The following NCALD variants were observed in gnomAD, a reference collection of about 807,000 sequenced individuals.
NCALD encodes the protein neurocalcin delta.
A neutral mutation model predicts 18.6 loss-of-function variants in NCALD; 10 were observed. That is an observed-to-expected ratio of 0.54 (90% CI 0.33 to 0.91). NCALD has a LOEUF of 0.91. Ranked by LOEUF, NCALD falls within the 40% of genes least tolerant of loss-of-function variation. The pLI, the probability that NCALD is intolerant of heterozygous loss-of-function variation, is 0.03. For missense variants in NCALD, 184 were observed against 247.6 expected (o/e 0.74, Z 1.72); for synonymous variants, 88 against 87.4 (o/e 1.01, Z -0.04).
intron 1 of NCALD, among the ~76,000 whole-genome samples, chr8:101,751,499 G>A (rs1341972835): frequency 6.6e-6 from 1 of 152,072 alleles, no homozygotes; most frequent in Non-Finnish European, 1.5e-5. Flanking sequence ...AGTTAAAATG[G>A]TAAATTTTTT....
At chr8:101,789,675 A>T (rs1670363993) in intron 1 of NCALD, among the ~76,000 whole-genome samples, 1 of 152,212 alleles carries the variant, frequency 6.6e-6, no homozygotes, top group Admixed American at 6.5e-5. Flanking sequence ...TTCTTCTACT[A>T]ATTAAAATAC....
intron 2 of NCALD, among the ~76,000 whole-genome samples, chr8:101,704,018 A>G (rs1259962208): frequency 6.6e-6 from 1 of 152,132 alleles, no homozygotes; most frequent in Non-Finnish European, 1.5e-5. Context: ...GAGCCTCATG[A>G]TTTGTGGGGC....
intron 4 of NCALD, among the ~76,000 whole-genome samples, chr8:101,815,420 A>G (rs145676039): frequency 1.3e-5 from 2 of 152,282 alleles, no homozygotes; most frequent in African/African-American, 4.8e-5. Context: ...ACATACAAAA[A>G]ATAAATCTAG....
chr8:101,877,929 C>T (rs570152107), intron 4 of NCALD, among the ~76,000 whole-genome samples: 5 of 152,230 alleles, frequency 3.3e-5, no homozygotes, highest in South Asian at 4.1e-4. Context: ...ATTTGTATTA[C>T]GTATTTGTAT....
intron 2 of NCALD, among the ~76,000 whole-genome samples, chr8:102,003,054 A>C (rs2132033691): frequency 6.6e-6 from 1 of 152,008 alleles, no homozygotes; most frequent in African/African-American, 2.4e-5. Flanking sequence ...AAACAGAGAC[A>C]CAAAAAAAAA....
intron 2 of NCALD, among the ~76,000 whole-genome samples, chr8:101,918,574 A>G (rs1488032491): frequency 1.3e-5 from 2 of 152,190 alleles, no homozygotes; most frequent in Non-Finnish European, 2.9e-5. Flanking sequence ...ATATGATTCT[A>G]TACCTAGAAA....
intron 1 of NCALD, chr8:101,745,991 G>C (rs1036566590): frequency 6.6e-6 from 1 of 152,204 alleles, no homozygotes; most frequent in African/African-American, 2.4e-5. Context: ...TAAAGAAAGA[G>C]AGCTGGGAAT....
chr8:102,015,756 G>A (rs548349032), intron 2 of NCALD, among the ~76,000 whole-genome samples: 2 of 152,228 alleles, frequency 1.3e-5, no homozygotes, highest in South Asian at 2.1e-4. Flanking sequence ...CCTTTGGCAG[G>A]GCATAGTAGG....
intron 1 of NCALD, among the ~76,000 whole-genome samples, chr8:101,756,784 C>T (rs945240068): frequency 6.6e-6 from 1 of 152,172 alleles, no homozygotes; most frequent in African/African-American, 2.4e-5. Context: ...AAGAATATGG[C>T]TTGATATACA....
intron 1 of NCALD, among the ~76,000 whole-genome samples, chr8:101,766,435 C>G (rs1226212461): frequency 6.6e-6 from 1 of 152,116 alleles, no homozygotes; most frequent in Non-Finnish European, 1.5e-5. Context: ...GGTGTATATC[C>G]TTCCAGATTT....
intron 1 of NCALD, among the ~76,000 whole-genome samples, chr8:101,739,518 A>G (rs1810093057): frequency 6.6e-6 from 1 of 152,180 alleles, no homozygotes; most frequent in South Asian, 2.1e-4. Context: ...AGGCAGACCC[A>G]TCCTCAATCT....
rs954405965 is a variant in NCALD, at chr8:101,871,965, C to T, written c.-20+15176G>A. 8.1e-5 allele frequency: 62 copies of T among 767,980 alleles called. No individual in the cohort carries two copies. In the African/African-American group the frequency reaches 8.5e-4, roughly 11 times the overall value. The allele number at this position is 767,980 out of a possible 1,614,324, so 47.6% of individuals were successfully genotyped here. A position where few individuals can be genotyped will look rare whatever the true frequency, so the allele number is the denominator to read the frequency against. On this transcript the variant is annotated intron_variant, in intron 4 of 6. Coordinates refer to the NCALD transcript ENST00000311028. Reference sequence around the variant, plus strand: ...CTGCTCTAGATTCAGACAGTTTCCACCCCAACTCATCTCTGGTCAGGTTCA... The same window carrying T: ...CTGCTCTAGATTCAGACAGTTTCCATCCCAACTCATCTCTGGTCAGGTTCA...
At chr8:101,735,749 C>G (rs546161115) in intron 1 of NCALD, among the ~76,000 whole-genome samples, 1 of 152,146 alleles carries the variant, frequency 6.6e-6, no homozygotes, top group African/African-American at 2.4e-5. Context: ...TGAAAGAAGG[C>G]CATGTGTTTA....
At chr8:101,785,244 C>A (rs1039685802) in intron 1 of NCALD, among the ~76,000 whole-genome samples, 1 of 152,146 alleles carries the variant, frequency 6.6e-6, no homozygotes, top group African/African-American at 2.4e-5. Context: ...AATACTCTTC[C>A]AATTCTGACG....
At chr8:101,975,243 A>T (rs1251961703) in intron 2 of NCALD, 1 of 152,154 alleles carries the variant, frequency 6.6e-6, no homozygotes, top group African/African-American at 2.4e-5. Flanking sequence ...TGGTGCAGTG[A>T]GGGGTGTTTT....
chr8:101,718,622 T>C (rs1227347912), intron 2 of NCALD, among the ~76,000 whole-genome samples: 2 of 152,212 alleles, frequency 1.3e-5, no homozygotes, highest in Non-Finnish European at 2.9e-5. Context: ...GCAAAAGTGT[T>C]GAGCAGGAGC....
chr8:102,106,072 A>C (rs975492345), intron 1 of NCALD, among the ~76,000 whole-genome samples: 3 of 150,590 alleles, frequency 2.0e-5, no homozygotes, highest in Admixed American at 6.6e-5. Context: ...CTAGAACAAC[A>C]ATTTTTTTTT....
chr8:102,071,915 A>G (rs558237216), intron 1 of NCALD, among the ~76,000 whole-genome samples: 11 of 152,328 alleles, frequency 7.2e-5, no homozygotes, highest in African/African-American at 2.4e-4. Flanking sequence ...CTATGGATTC[A>G]ACACAGTCCC....
At chr8:102,042,196 A>T (rs1823071203) in intron 1 of NCALD, among the ~76,000 whole-genome samples, 1 of 152,002 alleles carries the variant, frequency 6.6e-6, no homozygotes. Context: ...GCAGAATTTC[A>T]AAGTTAATGA....
Sources: allele counts gnomAD v4.1 joint callset (sites outside exome capture counted in the v4.1 genomes callset), GRCh38; gene constraint gnomAD v4.1.1; transcripts MANE v1.5; gene names NCBI Gene and HGNC (gene_info 2026-07-23, HGNC 2026-07-21).